Variants in CYP2C19 observed in about 807,000 individuals in gnomAD.
The protein encoded by CYP2C19 is cytochrome P450 2C19.
Under a neutral mutation model 40.9 loss-of-function variants are expected in CYP2C19, and 59 were observed. That is an observed-to-expected ratio of 1.44 (90% CI 1.17 to 1.79). The LOEUF (loss-of-function observed/expected upper bound fraction) is 1.79, where lower values mean the gene tolerates loss of function less well. Ranked by LOEUF, CYP2C19 falls within the 40% of genes most tolerant of loss-of-function variation. CYP2C19 has a pLI of 0.00. For synonymous variants in CYP2C19, 253 were observed against 208.7 expected, an observed-to-expected ratio of 1.21 and a Z score of -1.83; for missense variants, 754 against 596.9, an observed-to-expected ratio of 1.26 and a Z score of -2.74.
chr10:94,833,456 T>C (rs1322436124), intron 6 of CYP2C19, among the ~76,000 whole-genome samples: 4 of 152,222 alleles, frequency 2.6e-5, no homozygotes, highest in African/African-American at 9.6e-5. Context: ...TTTTTTTCTT[T>C]TTTTTTATTA....
chr10:94,844,468 C>A (rs1337742405), intron 7 of CYP2C19, among the ~76,000 whole-genome samples: 2 of 152,106 alleles, frequency 1.3e-5, no homozygotes, highest in Admixed American at 1.3e-4. Flanking sequence ...TTTACAATTG[C>A]CTTCTATCAC....
chr10:94,766,641 T>G (rs574416487), intron 1 of CYP2C19, among the ~76,000 whole-genome samples: 14 of 152,260 alleles, frequency 9.2e-5, no homozygotes, highest in African/African-American at 3.4e-4. Flanking sequence ...GAAGGGGTTT[T>G]TCTTCAGGAT....
chr10:94,847,039 G>A (rs868723112), intron 7 of CYP2C19, among the ~76,000 whole-genome samples: 1 of 151,718 alleles, frequency 6.6e-6, no homozygotes, highest in African/African-American at 2.4e-5. Context: ...CATTTCCCAT[G>A]TCAACAGAGA....
intron 5 of CYP2C19, among the ~76,000 whole-genome samples, chr10:94,818,876 C>A (rs550075869): frequency 6.6e-6 from 1 of 152,200 alleles, no homozygotes; most frequent in Non-Finnish European, 1.5e-5. Context: ...ATTGAATCCC[C>A]TTTATTTCCT....
At chr10:94,812,574 T>C (rs1001063245) in intron 5 of CYP2C19, among the ~76,000 whole-genome samples, 47 of 152,354 alleles carry the variant, frequency 3.1e-4, no homozygotes, top group Middle Eastern at 6.8e-3. Flanking sequence ...TGTTCATTTC[T>C]TTTTATTCTT....
chr10:94,808,565 C>T (rs1371170889), intron 5 of CYP2C19, among the ~76,000 whole-genome samples: 1 of 152,082 alleles, frequency 6.6e-6, no homozygotes, highest in African/African-American at 2.4e-5. Flanking sequence ...ATTAGAATTT[C>T]CACTCCCCTT....
chr10:94,820,375 T>C, intron 5 of CYP2C19, 121 bp from the exon 6 acceptor site: 6 of 1,143,908 alleles, frequency 5.2e-6, no homozygotes, highest in Non-Finnish European at 7.6e-6. Context: ...AATATTTTTT[T>C]CTAGTACTAT....
intron 5 of CYP2C19, among the ~76,000 whole-genome samples, chr10:94,817,917 G>T (rs1413729594): frequency 6.7e-6 from 1 of 150,008 alleles, no homozygotes; most frequent in Non-Finnish European, 1.5e-5. Context: ...GGAGGCTGAG[G>T]CAGGAGAATG....
intron 5 of CYP2C19, among the ~76,000 whole-genome samples, chr10:94,791,864 T>C (rs912952153): frequency 2.0e-5 from 3 of 152,180 alleles, no homozygotes; most frequent in Non-Finnish European, 4.4e-5. Flanking sequence ...TGGAGAGTTC[T>C]GTAGATGTCT....
chr10:94,801,026 C>T (rs1175936036), intron 5 of CYP2C19, among the ~76,000 whole-genome samples: 4 of 152,178 alleles, frequency 2.6e-5, no homozygotes, highest in East Asian at 1.9e-4. Flanking sequence ...TGGGCTGCAC[C>T]CATTGTCCAA....
At chr10:94,820,771 A>G in intron 6 of CYP2C19, 134 bp downstream of exon 6, 1 of 1,124,648 alleles carries the variant, frequency 8.9e-7, no homozygotes, top group Non-Finnish European at 1.3e-6. Context: ...AATCTGTCCC[A>G]ATTTAATGGT....
At chr10:94,776,926 T>G (rs1464267740) in intron 3 of CYP2C19, among the ~76,000 whole-genome samples, 1 of 152,138 alleles carries the variant, frequency 6.6e-6, no homozygotes, top group African/African-American at 2.4e-5. Context: ...CCAAAACTGT[T>G]CATGCTAATA....
intron 5 of CYP2C19, among the ~76,000 whole-genome samples, chr10:94,791,217 C>G (rs918809411): frequency 6.6e-6 from 1 of 151,896 alleles, no homozygotes. Flanking sequence ...GGTGATATCC[C>G]CTTTATCATT....
At chr10:94,769,219 G>A (rs1848293576) in intron 1 of CYP2C19, among the ~76,000 whole-genome samples, 1 of 152,198 alleles carries the variant, frequency 6.6e-6, no homozygotes, top group African/African-American at 2.4e-5. Flanking sequence ...GTACCCTGCT[G>A]GCATGAGGCT....
intron 5 of CYP2C19, among the ~76,000 whole-genome samples, chr10:94,792,671 G>A (rs1366945413): frequency 6.6e-6 from 1 of 152,190 alleles, no homozygotes; most frequent in Non-Finnish European, 1.5e-5. Context: ...TAAGAATGTT[G>A]AATATTGGCT....
At chr10:94,838,294 A>G (rs1011476658) in intron 6 of CYP2C19, among the ~76,000 whole-genome samples, 3 of 152,108 alleles carry the variant, frequency 2.0e-5, no homozygotes, top group Non-Finnish European at 4.4e-5. Flanking sequence ...ATGTCATCCT[A>G]TCATTGACCT....
chr10:94,844,874 A>T (rs1849549100), intron 7 of CYP2C19, among the ~76,000 whole-genome samples: 1 of 152,212 alleles, frequency 6.6e-6, no homozygotes, highest in African/African-American at 2.4e-5. Context: ...AATCAGGATG[A>T]GTCGCCAGTC....
chr10:94,832,307 G>T (rs1295534643), intron 6 of CYP2C19, among the ~76,000 whole-genome samples: 1 of 152,184 alleles, frequency 6.6e-6, no homozygotes, highest in African/African-American at 2.4e-5. Context: ...CAAAATCATG[G>T]TGGAAGGCAA....
At chr10:94,762,986 AC>A (rs1258396190) in intron 1 of CYP2C19, 113 bp downstream of exon 1, 1 of 1,148,824 alleles carries the variant, frequency 8.7e-7, no homozygotes, top group Non-Finnish European at 1.3e-6. Flanking sequence ...AAAGTAAAAT[AC>A]TTTGAAAGGC....
Sources: allele counts gnomAD v4.1 joint callset (sites outside exome capture counted in the v4.1 genomes callset), GRCh38; gene constraint gnomAD v4.1.1; transcripts MANE v1.5; gene names NCBI Gene and HGNC (gene_info 2026-07-23, HGNC 2026-07-21).